The following NABP1 variants were observed in gnomAD, a reference collection of about 807,000 sequenced individuals.
NABP1 encodes the protein nucleic acid binding protein 1.
Under a neutral mutation model 25.0 loss-of-function variants are expected in NABP1, and 18 were observed. That is an observed-to-expected ratio of 0.72 (90% CI 0.50 to 1.07). NABP1 has a LOEUF of 1.07. Ranked by LOEUF, NABP1 falls within the 50% of genes least tolerant of loss-of-function variation. The pLI is 0.00. For synonymous variants in NABP1, 71 were observed against 85.0 expected, an observed-to-expected ratio of 0.84 and a Z score of 0.91; for missense variants, 270 against 255.6, an observed-to-expected ratio of 1.06 and a Z score of -0.39.
chr2:191,678,148 G>A lies in NABP1; in HGVS notation c.-467G>A, dbSNP rs1687546689. 1 of 152,732 alleles carries A rather than the reference G, an allele frequency of 6.5e-6. No homozygotes were observed. The highest frequency in any genetic ancestry group is 2.0e-4 in the South Asian group (1 of 5,004). The allele number at this position is 152,732 out of a possible 1,614,324, so 9.5% of individuals were successfully genotyped here. A position where few individuals can be genotyped will look rare whatever the true frequency, so the allele number is the denominator to read the frequency against. ...GGGCGTGTTCATCAGTCGCTGTTTG[G>A]GACGCTGGGTGTGCGGTGTTCTGTC... On this transcript the variant is annotated 5_prime_UTR_variant, in exon 1 of 6. Transcript: ENST00000425611.
chr2:191,678,701 G>C lies in NABP1; in HGVS notation c.87G>C (p.Glu29Asp). Residue 29 changes from glutamate to aspartate, a missense_variant, in exon 1 of 6, where the codon GAG (glutamate) becomes GAC (aspartate). Coordinates refer to ENST00000425611, the MANE Select transcript of NABP1 (RefSeq NM_001031716.5). ...TAAATGTCGTCTTTATTGTCCTGGA[G>C]ATAGGTAAGTGGGGTTTGCAGCCTA... ...KNLNVVFIVL[E>D]IGRVTKTKDG... is the part of the protein sequence containing the mutation. 6.2e-7 allele frequency: 1 copy of C among 1,612,970 alleles called. No individual in the cohort carries two copies. The highest frequency in any genetic ancestry group is 8.5e-7 in the Non-Finnish European group (1 of 1,179,482).
Position 191,678,559 on chromosome 2 carries a change from T to C in NABP1, c.-56T>C. On this transcript the variant is annotated 5_prime_UTR_variant, in exon 1 of 6. Transcript: ENST00000425611. ...CCCCTGTCCCGGGAGGGTGGGAAGCTTTGACCCCGCCCTGCCCACTCGCGT... is the reference window on the plus strand; with the variant it reads ...CCCCTGTCCCGGGAGGGTGGGAAGCCTTGACCCCGCCCTGCCCACTCGCGT... The C allele has an allele frequency of 7.4e-7, 1 of 1,358,552 alleles. No individual in the cohort carries two copies. The highest frequency in any genetic ancestry group is 1.8e-5 in the Admixed American group (1 of 54,390). The allele number at this position is 1,358,552 out of a possible 1,614,324, so 84.2% of individuals were successfully genotyped here. A position where few individuals can be genotyped will look rare whatever the true frequency, so the allele number is the denominator to read the frequency against.
rs538000421 is a variant in NABP1, at chr2:191,684,016, A to G, written c.378+212A>G. Among the ~76,000 whole-genome samples, 15 of 152,064 alleles carry G rather than the reference A, an allele frequency of 9.9e-5. No individual in the cohort carries two copies. The South Asian group carries it at 3.1e-3, about 32-fold the overall frequency. On this transcript the variant is annotated intron_variant, in intron 4 of 5. Coordinates refer to ENST00000425611, the MANE Select transcript of NABP1 (RefSeq NM_001031716.5). ...CTTTGTGGTGTGCTGAGTAATTATC[A>G]GGAAATAGGATGTAACAGAGCTCTG...
At chr2:191,680,677 C>A in intron 2 of NABP1, among the ~76,000 whole-genome samples, 1 of 152,120 alleles carries the variant, frequency 6.6e-6, no homozygotes. Context: ...GAAAATTAAA[C>A]TTATTAGTTA....
chr2:191,685,514 A>G lies in NABP1; in HGVS notation c.446-85A>G, dbSNP rs1414200664. On this transcript the variant is annotated intron_variant, in intron 5 of 5. Transcript: ENST00000425611. ...AGTGTGTGCTTTAATATTTTTAAGCATTAATAACATGTTGGCACTTAAGAT... is the reference window on the plus strand; with the variant it reads ...AGTGTGTGCTTTAATATTTTTAAGCGTTAATAACATGTTGGCACTTAAGAT... 8.5e-6 allele frequency: 10 copies of G among 1,171,062 alleles called. No homozygotes were observed. The Admixed American group carries it at 1.1e-4, about 13-fold the overall frequency. 72.5% of individuals were successfully genotyped at this position (1,171,062 alleles called of 1,614,324 possible).
Position 191,686,742 on chromosome 2 carries a change from TAGCCTTATTAGCAAAAGTTTTAAGA to T in NABP1, c.*976_*1000del, listed in dbSNP as rs1319945836. 1 of 152,508 alleles carries T rather than the reference TAGCCTTATTAGCAAAAGTTTTAAGA, an allele frequency of 6.6e-6. No individual in the cohort carries two copies. Among genetic ancestry groups the T allele is most frequent in the Non-Finnish European group, 1.5e-5 (1 of 68,020 alleles). 9.4% of individuals were successfully genotyped at this position (152,508 alleles called of 1,614,324 possible). On this transcript the variant is annotated 3_prime_UTR_variant, in exon 6 of 6. Coordinates refer to ENST00000425611, the MANE Select transcript of NABP1 (RefSeq NM_001031716.5). ...TCAAAGTTTCTGAACACAGTTCACA[TAGCCTTATTAGCAAAAGTTTTAAGA>T]AATGGCTCTATCAAAGAAGCAATTG...
intron 3 of NABP1, chr2:191,682,231 G>A (rs971290313): frequency 9.5e-6 from 4 of 422,954 alleles, no homozygotes; most frequent in African/African-American, 6.2e-5. Context: ...TCCTGGCAAA[G>A]AGCAGTAGAA....
chr2:191,682,455 G>C (rs1218564555), intron 3 of NABP1: 3 of 468,084 alleles, frequency 6.4e-6, no homozygotes, highest in Non-Finnish European at 1.3e-5. Flanking sequence ...AAAAGGACTT[G>C]CAGCAACGAA....
rs919027348 is a variant in NABP1, at chr2:191,685,860, G to C, written c.*92G>C. 9.9e-6 allele frequency: 12 copies of C among 1,213,428 alleles called. No individual in the cohort carries two copies. Among genetic ancestry groups the C allele is most frequent in the Non-Finnish European group, 1.4e-5 (12 of 863,550 alleles). 75.2% of individuals were successfully genotyped at this position (1,213,428 alleles called of 1,614,324 possible). ...ATTTATTGTTAACTGTGAAAAGTAC[G>C]TCCTTTATTGGGTTTCCTTTTATAT... On this transcript the variant is annotated 3_prime_UTR_variant, in exon 6 of 6. Transcript: ENST00000425611.
At chr2:191,685,331 T>C (rs1333910337) in intron 5 of NABP1, among the ~76,000 whole-genome samples, 2 of 152,194 alleles carry the variant, frequency 1.3e-5, no homozygotes, top group African/African-American at 4.8e-5. Context: ...TCTTTTATAG[T>C]GTAGGCAATG....
At chr2:191,678,744 C>T in intron 1 of NABP1, 39 bp downstream of exon 1, 1 of 1,558,278 alleles carries the variant, frequency 6.4e-7, no homozygotes, top group Non-Finnish European at 8.8e-7. Context: ...GCCCGCTGTG[C>T]CTCCCGGGGC....
Position 191,683,973 on chromosome 2 carries a change from T to C in NABP1, c.378+169T>C, listed in dbSNP as rs1216693144. Among the ~76,000 whole-genome samples, 5 of 152,118 alleles carry C rather than the reference T, an allele frequency of 3.3e-5. No homozygotes were observed. Among genetic ancestry groups the C allele is most frequent in the Non-Finnish European group, 7.4e-5 (5 of 68,006 alleles). ...TGTATCTGAGGTGTCATCTACTAGATATATGTGCCATTTTGCACTTTGTGG... is the reference window on the plus strand; with the variant it reads ...TGTATCTGAGGTGTCATCTACTAGACATATGTGCCATTTTGCACTTTGTGG... On this transcript the variant is annotated intron_variant, in intron 4 of 5. Coordinates refer to ENST00000425611, the MANE Select transcript of NABP1 (RefSeq NM_001031716.5). This position sits in a 1 kb window ranked among gnomAD's most constrained non-coding sequence, Gnocchi z 4.1.
At chr2:191,684,343 A>T (rs904978118) in intron 5 of NABP1, 47 bp downstream of exon 5, 1 of 1,336,976 alleles carries the variant, frequency 7.5e-7, no homozygotes, top group Non-Finnish European at 1.0e-6. Context: ...TATAAGAATG[A>T]AGAGAGCTGT....
At position 191,682,880 on chromosome 2, in the gene NABP1, G is replaced by T. The variant is rs1204640038; in HGVS notation, c.303-849G>T. 11 of 250,974 alleles carry T rather than the reference G, an allele frequency of 4.4e-5. No individual in the cohort carries two copies. The South Asian group carries it at 4.8e-4, about 11-fold the overall frequency. 15.5% of individuals were successfully genotyped at this position (250,974 alleles called of 1,614,324 possible). A position where few individuals can be genotyped will look rare whatever the true frequency, so the allele number is the denominator to read the frequency against. On this transcript the variant is annotated intron_variant, in intron 3 of 5. Coordinates refer to ENST00000425611, the MANE Select transcript of NABP1 (RefSeq NM_001031716.5). ...CTTTTAAAGATCAGAAACACTTAACGCTTTGCCTTTGTTAGAAGGGAAGTT... is the reference window on the plus strand; with the variant it reads ...CTTTTAAAGATCAGAAACACTTAACTCTTTGCCTTTGTTAGAAGGGAAGTT...
chr2:191,679,459 C>T (rs1341090987), intron 2 of NABP1, among the ~76,000 whole-genome samples: 4 of 152,256 alleles, frequency 2.6e-5, no homozygotes, highest in African/African-American at 9.6e-5. Flanking sequence ...TCACTGCAGC[C>T]TCCGCCTCGC....
In NABP1 at chr2:191,679,070, G is replaced by T. The variant is rs149409877; in HGVS notation, c.172G>T (p.Val58Leu). ...ADKTGSITIS[V>L]WDEIGGLIQP... Reference sequence around the variant, plus strand: ...TAAAACGGGCAGCATCACTATTTCCGTGTGGGATGAGATCGGAGGTCTTAT... The same window carrying T: ...TAAAACGGGCAGCATCACTATTTCCTTGTGGGATGAGATCGGAGGTCTTAT... The change falls in exon 2 of 6, where the codon GTG (valine) becomes TTG (leucine). Residue 58 changes from valine to leucine, a missense_variant. Physicochemically the swap from Val to Leu is conservative, Grantham distance 32 (BLOSUM62 1). Transcript: ENST00000425611. 2.5e-6 allele frequency: 4 copies of T among 1,614,206 alleles called. No individual in the cohort carries two copies. Among genetic ancestry groups the T allele is most frequent in the Non-Finnish European group, 3.4e-6 (4 of 1,180,036 alleles).
rs868347495 is a variant in NABP1, at chr2:191,683,538, A to G, written c.303-191A>G. ...CAAAATAGAATGTTATATATCTTGTAGACAGTCAAATATTTGATGTTTTAT... is the reference window on the plus strand; with the variant it reads ...CAAAATAGAATGTTATATATCTTGTGGACAGTCAAATATTTGATGTTTTAT... On this transcript the variant is annotated intron_variant, in intron 3 of 5. Transcript: ENST00000425611. This position sits in a 1 kb window ranked among gnomAD's most constrained non-coding sequence, Gnocchi z 4.1. 7.6e-5 allele frequency: 42 copies of G among 553,804 alleles called. No individual in the cohort carries two copies. In the Middle Eastern group the frequency reaches 3.4e-3, roughly 44 times the overall value. 34.3% of individuals were successfully genotyped at this position (553,804 alleles called of 1,614,324 possible).
chr2:191,679,590 T>C (rs1279520777), intron 2 of NABP1, among the ~76,000 whole-genome samples: 1 of 152,070 alleles, frequency 6.6e-6, no homozygotes, highest in Non-Finnish European at 1.5e-5. Flanking sequence ...TTGCCCAGGC[T>C]GGTCTCCAAC....
intron 2 of NABP1, 138 bp downstream of exon 2, chr2:191,679,266 A>T: frequency 9.8e-7 from 1 of 1,022,710 alleles, no homozygotes; most frequent in Non-Finnish European, 1.4e-6. Context: ...CTTTGGTGTT[A>T]ACTTTGGGTG....
Sources: allele counts gnomAD v4.1 joint callset (sites outside exome capture counted in the v4.1 genomes callset), GRCh38; gene constraint gnomAD v4.1.1; non-coding constraint Gnocchi (gnomAD v3.1); transcripts MANE v1.5; gene names NCBI Gene and HGNC (gene_info 2026-07-23, HGNC 2026-07-21).